Variants in PNLIPRP3 observed in about 807,000 individuals in gnomAD.
PNLIPRP3 encodes the protein pancreatic lipase related protein 3, also known as pancreatic lipase-related protein 3.
PNLIPRP3 carries 58 observed loss-of-function variants against 52.8 expected under a neutral mutation model. That is an observed-to-expected ratio of 1.10 (90% confidence interval 0.89 to 1.37). The LOEUF (loss-of-function observed/expected upper bound fraction) is 1.37, where lower values mean the gene tolerates loss of function less well. Ranked by LOEUF, PNLIPRP3 falls within the 40% of genes most tolerant of loss-of-function variation. PNLIPRP3 has a pLI of 0.00. For missense variants in PNLIPRP3, 593 were observed against 561.6 expected (o/e 1.06, Z -0.57); for synonymous variants, 192 against 185.0 (o/e 1.04, Z -0.31).
chr10:116,445,556 T>TAA (rs1396962640), intron 4 of PNLIPRP3, among the ~76,000 whole-genome samples: 1 of 34,894 alleles, frequency 2.9e-5, no homozygotes, highest in South Asian at 3.0e-3. Context: ...ATCTTCTCTT[T>TAA]ATAAAAAAAA....
chr10:116,460,295 A>G (rs1405458629), intron 5 of PNLIPRP3, among the ~76,000 whole-genome samples: 1 of 152,234 alleles, frequency 6.6e-6, no homozygotes, highest in East Asian at 1.9e-4. Flanking sequence ...TTGACAAATA[A>G]TTGTCAAATA....
In PNLIPRP3 at chr10:116,432,763, C is replaced by A. The variant is rs182598524; in HGVS notation, c.50-3948C>A. Among the ~76,000 whole-genome samples, 169 of 152,108 alleles carry A rather than the reference C, an allele frequency of 1.1e-3. 2 individuals carry two copies. The highest frequency in any genetic ancestry group is 3.8e-3 in the African/African-American group (156 of 41,496). On this transcript the variant is annotated intron_variant, in intron 1 of 11. Coordinates refer to ENST00000369230, the MANE Select transcript of PNLIPRP3 (RefSeq NM_001011709.3). ...AATAAATCCCAGGTGGGTAAACATT[C>A]AAAAGTAAAAGATAAAACATTAGAA...
At chr10:116,432,159 G>A (rs12250863) in intron 1 of PNLIPRP3, among the ~76,000 whole-genome samples, 10,364 of 152,144 alleles carry the variant, frequency 0.068, 1,228 homozygotes, top group African/African-American at 0.24. Context: ...CTGAATTCCA[G>A]TGCTAATAGC....
Position 116,466,178 on chromosome 10 carries a change from T to C in PNLIPRP3, c.927+10T>C, listed in dbSNP as rs773662932. 1 of 1,541,696 alleles carries C rather than the reference T, an allele frequency of 6.5e-7. No individual in the cohort carries two copies. The highest frequency in any genetic ancestry group is 8.9e-7 in the Non-Finnish European group (1 of 1,120,364). On this transcript the variant is annotated intron_variant, in intron 8 of 11. Transcript: ENST00000369230. ...CACATCTTTTAAAGCAGTAAGTAAA[T>C]CATCTTACTTGGAATTTAATTATAA... is the stretch of plus-strand genomic sequence containing the variant.
rs772875821 is a variant in PNLIPRP3, at chr10:116,476,691, C to T, written c.1212C>T (p.Ile404=). The part of the protein sequence containing the change: ...LEPGMTYTKL[I]DADVNVGNIT... Reference sequence around the variant, plus strand: ...CAGGCATGACTTACACAAAATTAATCGATGCAGATGTTAACGTTGGAAACA... The same window carrying T: ...CAGGCATGACTTACACAAAATTAATTGATGCAGATGTTAACGTTGGAAACA... The change falls in exon 11 of 12, where the codon ATC becomes ATT. Residue 404 remains isoleucine, a synonymous_variant. Coordinates refer to ENST00000369230, the MANE Select transcript of PNLIPRP3 (RefSeq NM_001011709.3). 28 of 1,585,156 alleles carry T rather than the reference C, an allele frequency of 1.8e-5. No homozygotes were observed. In the Admixed American group the frequency reaches 2.1e-4, roughly 12 times the overall value.
chr10:116,455,970 C>T (rs554289821), intron 5 of PNLIPRP3, 140 bp downstream of exon 5: 43 of 695,960 alleles, frequency 6.2e-5, no homozygotes, highest in Middle Eastern at 3.6e-4. Flanking sequence ...AAAACGTGAA[C>T]GTGTTTTCAG....
intron 1 of PNLIPRP3, among the ~76,000 whole-genome samples, chr10:116,430,335 C>T (rs1314353779): frequency 6.6e-6 from 1 of 152,126 alleles, no homozygotes; most frequent in African/African-American, 2.4e-5. Context: ...AATGAAATAA[C>T]CCAGGAGTCT....
intron 9 of PNLIPRP3, among the ~76,000 whole-genome samples, chr10:116,470,642 T>C (rs1846354652): frequency 6.6e-6 from 1 of 151,874 alleles, no homozygotes; most frequent in East Asian, 1.9e-4. Flanking sequence ...CCCAAGTAGC[T>C]GGGATTACAG....
At chr10:116,444,330 C>T in intron 3 of PNLIPRP3, 52 bp from the exon 4 acceptor site, 2 of 1,458,442 alleles carry the variant, frequency 1.4e-6, no homozygotes, top group Non-Finnish European at 1.8e-6. Flanking sequence ...TGAGACACGT[C>T]GGTTTCCTTG....
At chr10:116,450,740 C>T (rs1564698155) in intron 4 of PNLIPRP3, among the ~76,000 whole-genome samples, 1 of 151,984 alleles carries the variant, frequency 6.6e-6, no homozygotes, top group South Asian at 2.1e-4. Flanking sequence ...TACAACATAC[C>T]AAAGCTGAAT....
At chr10:116,467,460 G>C (rs560822974) in intron 8 of PNLIPRP3, among the ~76,000 whole-genome samples, 9 of 152,216 alleles carry the variant, frequency 5.9e-5, no homozygotes, top group African/African-American at 2.2e-4. Flanking sequence ...AATGTCTATG[G>C]TTTATTAAAT....
intron 1 of PNLIPRP3, among the ~76,000 whole-genome samples, chr10:116,433,573 T>C (rs1426496219): frequency 2.0e-5 from 3 of 152,216 alleles, no homozygotes; most frequent in East Asian, 3.8e-4. Flanking sequence ...TACCCTTCCA[T>C]AGTATGTAGA....
chr10:116,453,589 T>C (rs1405504088), intron 4 of PNLIPRP3, among the ~76,000 whole-genome samples: 9 of 152,070 alleles, frequency 5.9e-5, no homozygotes, highest in Admixed American at 4.6e-4. Context: ...GAATCTCTCA[T>C]GAATGGTTTA....
chr10:116,433,440 C>T (rs564407819), intron 1 of PNLIPRP3, among the ~76,000 whole-genome samples: 1 of 152,126 alleles, frequency 6.6e-6, no homozygotes, highest in Non-Finnish European at 1.5e-5. Flanking sequence ...TAGAAATGCA[C>T]AAAAGGATAT....
intron 4 of PNLIPRP3, among the ~76,000 whole-genome samples, chr10:116,450,367 G>A (rs1356113786): frequency 6.6e-6 from 1 of 151,996 alleles, no homozygotes; most frequent in Admixed American, 6.5e-5. Context: ...CTTCCACTGT[G>A]GCATGGGGAA....
chr10:116,440,272 G>A (rs552462369), intron 2 of PNLIPRP3, among the ~76,000 whole-genome samples: 13 of 152,174 alleles, frequency 8.5e-5, no homozygotes, highest in South Asian at 2.1e-4. Context: ...TGTGGAGCAC[G>A]GTCAGTAAAA....
intron 5 of PNLIPRP3, 102 bp downstream of exon 5, chr10:116,455,932 A>G: frequency 1.2e-6 from 1 of 808,582 alleles, no homozygotes; most frequent in South Asian, 1.7e-5. Flanking sequence ...AAAATATAAG[A>G]TACTACAAAA....
chr10:116,461,330 T>C (rs1203580632), intron 7 of PNLIPRP3, 40 bp downstream of exon 7: 1 of 1,591,322 alleles, frequency 6.3e-7, no homozygotes, highest in Non-Finnish European at 8.6e-7. Flanking sequence ...TGATGCATAT[T>C]CACTTAGCTC....
At chr10:116,468,667 T>C (rs186338571) in intron 8 of PNLIPRP3, among the ~76,000 whole-genome samples, 1 of 152,344 alleles carries the variant, frequency 6.6e-6, no homozygotes, top group Admixed American at 6.5e-5. Flanking sequence ...ACTGTTCTTT[T>C]GTGTGCAGAG....
Sources: allele counts gnomAD v4.1 joint callset (sites outside exome capture counted in the v4.1 genomes callset), GRCh38; gene constraint gnomAD v4.1.1; transcripts MANE v1.5; gene names NCBI Gene and HGNC (gene_info 2026-07-23, HGNC 2026-07-21).